The following AHI1 variants were observed in gnomAD, a reference collection of about 807,000 sequenced individuals.
AHI1 encodes Abelson helper integration site 1, also known as jouberin.
A neutral mutation model predicts 149.3 loss-of-function variants in AHI1; 123 were observed. The ratio of observed to expected loss-of-function variants is 0.82; its 90% CI spans 0.71 to 0.96. The LOEUF (loss-of-function observed/expected upper bound fraction) is 0.96. AHI1 is among the 40% of genes least tolerant of loss of function. AHI1 has a pLI of 0.00. For missense variants in AHI1, 1,439 were observed against 1,422.7 expected (o/e 1.01, Z -0.18); for synonymous variants, 475 against 459.8 (o/e 1.03, Z -0.42).
chr6:135,323,274 G>A lies in AHI1; in HGVS notation c.3216C>T (p.Ile1072=). 1 of 1,613,722 alleles carries A rather than the reference G, an allele frequency of 6.2e-7. No homozygotes were observed. The highest frequency in any genetic ancestry group is 8.5e-7 in the Non-Finnish European group (1 of 1,179,756). The change falls in exon 25 of 29, where the codon ATC becomes ATT. Residue 1072 remains isoleucine (I), a synonymous_variant. Coordinates refer to ENST00000265602, the MANE Select transcript of AHI1 (RefSeq NM_001134831.2). ...YTANRSDELT[I]HRGDIIRVFF... is the part of the protein sequence containing the mutation. ...ACACTCGGATAATGTCTCCGCGATG[G>A]ATGGTTAGTTCATCTGATCGATTCG...
chr6:135,482,894 C>CTTTTTTTTTTTTTTTTTTTTTTTTTTTT lies in AHI1; in HGVS notation c.135+7728_135+7729insAAAAAAAAAAAAAAAAAAAAAAAAAAAA, dbSNP rs761997683. ...TTCAACCAGTATAATCCATTTAAGG[C>CTTTTTTTTTTTTTTTTTTTTTTTTTTTT]TTTTTTTTTTTTTTTGAGACAGAGT... On this transcript the variant is annotated intron_variant, in intron 5 of 28. Transcript: ENST00000265602. Among the ~76,000 whole-genome samples the CTTTTTTTTTTTTTTTTTTTTTTTTTTTT allele has an allele frequency of 1.0e-3, 56 of 55,730 alleles. 23 individuals are homozygous for CTTTTTTTTTTTTTTTTTTTTTTTTTTTT. The highest frequency in any genetic ancestry group is 3.4e-3 in the African/African-American group (37 of 10,784). 36.6% of individuals were successfully genotyped at this position (55,730 alleles called of 152,430 possible).
chr6:135,406,017 G>A (rs1203311181), intron 21 of AHI1, among the ~76,000 whole-genome samples: 2 of 151,782 alleles, frequency 1.3e-5, no homozygotes, highest in African/African-American at 4.8e-5. Flanking sequence ...GGAAAAAAAA[G>A]AACTGAAAAA....
At chr6:135,324,643 G>A (rs1239348917) in intron 24 of AHI1, among the ~76,000 whole-genome samples, 2 of 151,734 alleles carry the variant, frequency 1.3e-5, no homozygotes, top group Non-Finnish European at 2.9e-5. Context: ...CCCATGTGGT[G>A]GGAACCCGGC....
intron 5 of AHI1, among the ~76,000 whole-genome samples, chr6:135,479,111 C>T (rs1793186478): frequency 6.6e-6 from 1 of 152,228 alleles, no homozygotes; most frequent in African/African-American, 2.4e-5. Flanking sequence ...GGGTGGAACC[C>T]TCATGGAGAA....
chr6:135,412,341 T>C (rs1781726996), intron 20 of AHI1, among the ~76,000 whole-genome samples: 1 of 152,222 alleles, frequency 6.6e-6, no homozygotes, highest in Non-Finnish European at 1.5e-5. Flanking sequence ...TTAGCATCCA[T>C]AGATTTTTGG....
At chr6:135,448,149 A>G (rs1787531543) in intron 12 of AHI1, 141 bp downstream of exon 12, 6 of 489,580 alleles carry the variant, frequency 1.2e-5, no homozygotes, top group Non-Finnish European at 1.9e-5. Context: ...AATATCAGCT[A>G]TTACAGGCTT....
intron 5 of AHI1, among the ~76,000 whole-genome samples, chr6:135,473,758 A>T (rs79353525): frequency 6.6e-6 from 1 of 151,742 alleles, no homozygotes; most frequent in Non-Finnish European, 1.5e-5. Flanking sequence ...TTTCTATTAT[A>T]ATTTTAAAAT....
chr6:135,492,218 G>A lies in AHI1; in HGVS notation c.10+10C>T. The A allele has an allele frequency of 6.6e-7, 1 of 1,514,346 alleles. No homozygotes were observed. Among genetic ancestry groups the A allele is most frequent in the Non-Finnish European group, 8.9e-7 (1 of 1,126,698 alleles). 93.8% of individuals were successfully genotyped at this position (1,514,346 alleles called of 1,614,324 possible). ...ATAAATTTTATACATAAATTTCATA[G>A]AAGTCTTACCTGTAGGCATCTCTCA... is the stretch of plus-strand genomic sequence containing the variant. On this transcript the variant is annotated intron_variant, in intron 4 of 28. Coordinates refer to ENST00000265602, the MANE Select transcript of AHI1 (RefSeq NM_001134831.2).
At chr6:135,378,775 CT>C (rs1362013288) in intron 23 of AHI1, among the ~76,000 whole-genome samples, 1 of 151,934 alleles carries the variant, frequency 6.6e-6, no homozygotes, top group Non-Finnish European at 1.5e-5. Context: ...TCAGTATTTC[CT>C]TTTTACTGAT....
intron 26 of AHI1, among the ~76,000 whole-genome samples, chr6:135,316,611 TTTC>T (rs1785990835): frequency 6.6e-6 from 1 of 152,128 alleles, no homozygotes; most frequent in Non-Finnish European, 1.5e-5. Flanking sequence ...TCCTTTATTC[TTTC>T]TTAATTTTCT....
intron 15 of AHI1, among the ~76,000 whole-genome samples, chr6:135,437,670 T>C (rs1424295348): frequency 6.6e-6 from 1 of 152,198 alleles, no homozygotes; most frequent in Non-Finnish European, 1.5e-5. Context: ...CTCAACTGTT[T>C]ACATGTCAGT....
intron 24 of AHI1, among the ~76,000 whole-genome samples, chr6:135,351,482 C>T (rs762976082): frequency 2.0e-5 from 3 of 152,098 alleles, no homozygotes; most frequent in Admixed American, 6.5e-5. Context: ...GGTAAAGAAA[C>T]GTGACTAAAG....
chr6:135,300,679 C>T (rs1783758971), intron 26 of AHI1, 121 bp from the exon 27 acceptor site: 4 of 1,508,866 alleles, frequency 2.7e-6, no homozygotes, highest in Admixed American at 2.0e-5. Context: ...CTGTTCTGAA[C>T]AGGAATATCT....
At chr6:135,470,445 C>G (rs962969835) in intron 5 of AHI1, among the ~76,000 whole-genome samples, 1 of 152,222 alleles carries the variant, frequency 6.6e-6, no homozygotes, top group South Asian at 2.1e-4. Context: ...TGCTATTTGA[C>G]CAAGCAATCC....
At chr6:135,408,389 C>G (rs1009558807) in intron 21 of AHI1, among the ~76,000 whole-genome samples, 1 of 151,938 alleles carries the variant, frequency 6.6e-6, no homozygotes, top group Non-Finnish European at 1.5e-5. Context: ...AAATCTGGAA[C>G]AGCATGCATT....
At chr6:135,318,375 G>T in intron 26 of AHI1, 144 bp downstream of exon 26, 2 of 649,770 alleles carry the variant, frequency 3.1e-6, no homozygotes, top group Non-Finnish European at 5.2e-6. Flanking sequence ...TTTGCCTTAT[G>T]TATTTCATAA....
chr6:135,443,818 T>C (rs1172493454), intron 13 of AHI1, among the ~76,000 whole-genome samples: 2 of 152,228 alleles, frequency 1.3e-5, no homozygotes, highest in African/African-American at 2.4e-5. Context: ...GCTACCCATC[T>C]TTTCTCTGCA....
intron 24 of AHI1, among the ~76,000 whole-genome samples, chr6:135,342,840 T>C (rs1269755861): frequency 6.6e-6 from 1 of 151,594 alleles, no homozygotes; most frequent in Non-Finnish European, 1.5e-5. Flanking sequence ...AATTTCATAA[T>C]TAATGGTAAA....
chr6:135,419,890 T>C (rs1782904933), intron 20 of AHI1, among the ~76,000 whole-genome samples: 1 of 152,190 alleles, frequency 6.6e-6, no homozygotes, highest in South Asian at 2.1e-4. Flanking sequence ...GCCATTGCTC[T>C]ACCAACTAAA....
Sources: allele counts gnomAD v4.1 joint callset (sites outside exome capture counted in the v4.1 genomes callset), GRCh38; gene constraint gnomAD v4.1.1; transcripts MANE v1.5; gene names NCBI Gene and HGNC (gene_info 2026-07-23, HGNC 2026-07-21).